Variants in ENOX1 observed in about 807,000 individuals in gnomAD.
The protein encoded by ENOX1 is ecto-NOX disulfide-thiol exchanger 1, also known as candidate growth-related and time keeping constitutive hydroquinone (NADH) oxidase.
In ENOX1, 42 loss-of-function variants were observed where a neutral mutation model predicts 82.5. The observed-to-expected ratio is 0.51, with a 90% CI of 0.40 to 0.66. The LOEUF (loss-of-function observed/expected upper bound fraction) is 0.66. Ranked by LOEUF, ENOX1 falls within the 30% of genes least tolerant of loss-of-function variation. The pLI is 0.00. For synonymous variants in ENOX1, 271 were observed against 282.2 expected (o/e 0.96, Z 0.40); for missense variants, 608 against 811.6 (o/e 0.75, Z 3.05).
intron 2 of ENOX1, among the ~76,000 whole-genome samples, chr13:43,586,628 T>C (rs1422798800): frequency 6.6e-6 from 1 of 152,184 alleles, no homozygotes; most frequent in Admixed American, 6.5e-5. Context: ...ACCGCTAGCC[T>C]ACCTTCTTTC....
intron 1 of ENOX1, among the ~76,000 whole-genome samples, chr13:43,775,113 G>A (rs1423503966): frequency 6.6e-6 from 1 of 152,096 alleles, no homozygotes; most frequent in South Asian, 2.1e-4. Flanking sequence ...CTCCCAAAGT[G>A]CTAGGATTAC....
intron 1 of ENOX1, among the ~76,000 whole-genome samples, chr13:43,759,217 C>A (rs955934751): frequency 6.6e-6 from 1 of 151,534 alleles, no homozygotes; most frequent in Admixed American, 6.6e-5. Flanking sequence ...CTGCCTGAGC[C>A]TCCTAAATAG....
At chr13:43,639,772 G>A (rs781546245) in intron 2 of ENOX1, among the ~76,000 whole-genome samples, 5 of 152,168 alleles carry the variant, frequency 3.3e-5, no homozygotes, top group African/African-American at 9.7e-5. Flanking sequence ...GCTCATGCCT[G>A]TAATCCAGCA....
intron 14 of ENOX1, among the ~76,000 whole-genome samples, chr13:43,238,686 T>C (rs776918874): frequency 8.5e-5 from 13 of 152,126 alleles, no homozygotes; most frequent in Non-Finnish European, 1.8e-4. Flanking sequence ...GATTGCATCA[T>C]TAAAAAAATA....
At chr13:43,707,166 CAT>C (rs2087350765) in intron 1 of ENOX1, among the ~76,000 whole-genome samples, 1 of 151,972 alleles carries the variant, frequency 6.6e-6, no homozygotes. Context: ...TTAAAAATTG[CAT>C]AATAAAACAT....
At chr13:43,470,624 A>G (rs1045734225) in intron 3 of ENOX1, among the ~76,000 whole-genome samples, 1 of 151,388 alleles carries the variant, frequency 6.6e-6, no homozygotes, top group Non-Finnish European at 1.5e-5. Flanking sequence ...ACATACATAT[A>G]TATTTTTATA....
chr13:43,348,675 T>C (rs4941459), intron 8 of ENOX1, among the ~76,000 whole-genome samples: 32,033 of 152,250 alleles, frequency 0.21, 3,892 homozygotes, highest in Admixed American at 0.37. Flanking sequence ...ACTACCTCCC[T>C]GTGAATCACT....
intron 1 of ENOX1, among the ~76,000 whole-genome samples, chr13:43,784,218 T>C (rs1053731842): frequency 6.6e-6 from 1 of 152,202 alleles, no homozygotes; most frequent in Non-Finnish European, 1.5e-5. Context: ...ATACAAATAT[T>C]TTGCATGTAT....
At chr13:43,418,343 C>T (rs1026006000) in intron 3 of ENOX1, among the ~76,000 whole-genome samples, 4 of 152,216 alleles carry the variant, frequency 2.6e-5, no homozygotes, top group South Asian at 2.1e-4. Context: ...GCCTGGCCAA[C>T]GTGGTGAAAC....
intron 14 of ENOX1, among the ~76,000 whole-genome samples, chr13:43,259,799 G>C (rs773319639): frequency 9.2e-5 from 14 of 152,120 alleles, no homozygotes; most frequent in Admixed American, 6.5e-5. Context: ...TAGAGCTGTG[G>C]GTTGGGGTGA....
chr13:43,749,981 C>T lies in ENOX1; in HGVS notation c.-285+36671G>A, dbSNP rs555713336. Among the ~76,000 whole-genome samples, 14 of 152,236 alleles carry T rather than the reference C, an allele frequency of 9.2e-5. No homozygotes were observed. In the East Asian group the frequency reaches 2.5e-3, roughly 27 times the overall value. On this transcript the variant is annotated intron_variant, in intron 1 of 16. Transcript: ENST00000690772. Reference sequence around the variant, plus strand: ...ATACTCTAAAATTAATACACATCACCATCTCCAGGACTACCAAAAATGCAA... The same window carrying T: ...ATACTCTAAAATTAATACACATCACTATCTCCAGGACTACCAAAAATGCAA...
chr13:43,757,210 C>T (rs1313810127), intron 1 of ENOX1, among the ~76,000 whole-genome samples: 2 of 152,168 alleles, frequency 1.3e-5, no homozygotes, highest in African/African-American at 2.4e-5. Context: ...TTCTCTGCTC[C>T]TCTTTGTATC....
intron 3 of ENOX1, among the ~76,000 whole-genome samples, chr13:43,470,387 C>T (rs12428160): frequency 0.59 from 29,958 of 50,910 alleles, 11,122 homozygotes; most frequent in East Asian, 0.93. Flanking sequence ...CATATATATA[C>T]GTATATATAT....
chr13:43,486,505 C>T (rs534223954), intron 2 of ENOX1, among the ~76,000 whole-genome samples: 27 of 152,322 alleles, frequency 1.8e-4, no homozygotes, highest in Middle Eastern at 3.4e-3. Context: ...AACATTCATT[C>T]AGCCACTATT....
At chr13:43,425,535 A>C (rs1356848335) in intron 3 of ENOX1, among the ~76,000 whole-genome samples, 1 of 152,170 alleles carries the variant, frequency 6.6e-6, no homozygotes, top group Non-Finnish European at 1.5e-5. Context: ...TGGCATTTGG[A>C]GGACTATGTT....
At chr13:43,278,313 ATTTGTTCTGATT>A (rs978541653) in intron 12 of ENOX1, among the ~76,000 whole-genome samples, 11 of 152,274 alleles carry the variant, frequency 7.2e-5, no homozygotes, top group African/African-American at 2.2e-4. Context: ...AGCTGCACAC[ATTTGTTCTGATT>A]TGAGCTTGCT....
intron 2 of ENOX1, among the ~76,000 whole-genome samples, chr13:43,641,843 T>C (rs1264057546): frequency 6.6e-6 from 1 of 152,082 alleles, no homozygotes; most frequent in South Asian, 2.1e-4. Context: ...ACTTTTTAAA[T>C]TTTTTTAAAA....
intron 3 of ENOX1, among the ~76,000 whole-genome samples, chr13:43,421,377 T>C (rs1008535386): frequency 3.3e-5 from 5 of 152,214 alleles, no homozygotes; most frequent in Non-Finnish European, 5.9e-5. Flanking sequence ...AACTTTACGA[T>C]GGTGAGAAAG....
chr13:43,490,488 T>C (rs1012996696), intron 2 of ENOX1, among the ~76,000 whole-genome samples: 5 of 152,120 alleles, frequency 3.3e-5, no homozygotes, highest in African/African-American at 7.2e-5. Context: ...TAGAATATTA[T>C]GGTTAAAATG....
Sources: allele counts gnomAD v4.1 joint callset (sites outside exome capture counted in the v4.1 genomes callset), GRCh38; gene constraint gnomAD v4.1.1; transcripts MANE v1.5; gene names NCBI Gene and HGNC (gene_info 2026-07-23, HGNC 2026-07-21).